The following KAZN variants were observed in gnomAD, a reference collection of about 807,000 sequenced individuals.
The protein encoded by KAZN is kazrin.
A neutral mutation model predicts 87.4 loss-of-function variants in KAZN; 40 were observed. That is an observed-to-expected ratio of 0.46 (90% CI 0.36 to 0.60). KAZN has a LOEUF of 0.60. KAZN is among the 20% of genes least tolerant of loss of function. The pLI, the probability that KAZN is intolerant of heterozygous loss-of-function variation, is 0.00. For synonymous variants in KAZN, 466 were observed against 458.3 expected (o/e 1.02, Z -0.22); for missense variants, 898 against 1,073.9 (o/e 0.84, Z 2.29).
At chr1:14,909,700 A>T (rs952620691) in intron 1 of KAZN, among the ~76,000 whole-genome samples, 1 of 152,132 alleles carries the variant, frequency 6.6e-6, no homozygotes, top group Non-Finnish European at 1.5e-5. Context: ...GGACAACTTG[A>T]CTTTCTCCCA....
At chr1:14,052,709 T>G (rs729799) in intron 1 of KAZN, among the ~76,000 whole-genome samples, 62,536 of 152,048 alleles carry the variant, frequency 0.41, 14,123 homozygotes, top group East Asian at 0.63. Context: ...AAAAGGAGAC[T>G]GAGAAGTTAA....
At chr1:14,552,141 AAG>A (rs1673568569) in intron 2 of KAZN, among the ~76,000 whole-genome samples, 1 of 152,106 alleles carries the variant, frequency 6.6e-6, no homozygotes, top group Non-Finnish European at 1.5e-5. Flanking sequence ...AAATAGTTTA[AAG>A]TATAGATGGC....
At position 14,679,523 on chromosome 1, in the gene KAZN, T is replaced by C. The variant is rs561022186; in HGVS notation, c.226+80300T>C. On this transcript the variant is annotated intron_variant, in intron 1 of 14. Coordinates refer to ENST00000376030, the MANE Select transcript of KAZN (RefSeq NM_201628.3). ...GTTGATTTGCATAGCAAAGGTGCGT[T>C]CACAGGCAGGTTGTTTGCTGTCTCT... 2.6e-5 allele frequency among the ~76,000 whole-genome samples: 4 copies of C among 152,190 alleles called. No homozygotes were observed. In the South Asian group the frequency reaches 6.2e-4, roughly 24 times the overall value.
At chr1:14,215,458 A>G (rs1646939508) in intron 2 of KAZN, among the ~76,000 whole-genome samples, 1 of 152,158 alleles carries the variant, frequency 6.6e-6, no homozygotes, top group East Asian at 1.9e-4. Context: ...ACATATTCCC[A>G]TTTATCCTAA....
rs1400917243 is a variant in KAZN at position 14,773,679 on chromosome 1, T to G, written c.226+174456T>G. Reference sequence around the variant, plus strand: ...CACTGCAACCACCATAGCCAGTGCCTCTATGCAGCCGGTTACCCATTGGCG... The same window carrying G: ...CACTGCAACCACCATAGCCAGTGCCGCTATGCAGCCGGTTACCCATTGGCG... On this transcript the variant is annotated intron_variant, in intron 1 of 14. Coordinates refer to ENST00000376030, the MANE Select transcript of KAZN (RefSeq NM_201628.3). The surrounding 1 kb of genome is among the most constrained non-coding windows in gnomAD (Gnocchi z 5.9). 6.6e-6 allele frequency among the ~76,000 whole-genome samples: 1 copy of G among 152,174 alleles called. No homozygotes were observed. Among genetic ancestry groups the G allele is most frequent in the East Asian group, 1.9e-4 (1 of 5,174 alleles).
intron 2 of KAZN, among the ~76,000 whole-genome samples, chr1:14,514,375 A>ATATATATTTATATAT (rs1491445643): frequency 6.9e-5 from 1 of 14,448 alleles, no homozygotes; most frequent in African/African-American, 2.6e-4. Context: ...TTATATATAT[A>ATATATATTTATATAT]ATATATATAT....
At chr1:14,658,782 A>G (rs1638965092) in intron 1 of KAZN, among the ~76,000 whole-genome samples, 1 of 152,030 alleles carries the variant, frequency 6.6e-6, no homozygotes. Context: ...ACTCCCCTAC[A>G]TGTGAAGCCT....
At chr1:14,368,469 C>A (rs1660196167) in intron 2 of KAZN, among the ~76,000 whole-genome samples, 1 of 152,226 alleles carries the variant, frequency 6.6e-6, no homozygotes, top group South Asian at 2.1e-4. Context: ...GCTTCTAGGT[C>A]TCTGACCATT....
At chr1:14,246,475 A>AT (rs1433601671) in intron 2 of KAZN, among the ~76,000 whole-genome samples, 2 of 149,898 alleles carry the variant, frequency 1.3e-5, no homozygotes, top group South Asian at 2.1e-4. Context: ...AATTGTAAGG[A>AT]TTTTTTCATA....
chr1:14,408,707 T>C (rs961556332), intron 2 of KAZN, among the ~76,000 whole-genome samples: 3 of 152,216 alleles, frequency 2.0e-5, no homozygotes, highest in Non-Finnish European at 4.4e-5. Flanking sequence ...CATATGATCA[T>C]GTTGGGAGTT....
chr1:14,415,056 C>CA (rs930473340), intron 2 of KAZN, among the ~76,000 whole-genome samples: 2 of 151,822 alleles, frequency 1.3e-5, no homozygotes, highest in African/African-American at 4.8e-5. Flanking sequence ...TACATACATA[C>CA]AAAAAAGGAA....
chr1:14,539,664 G>C (rs1243646577), intron 2 of KAZN, among the ~76,000 whole-genome samples: 1 of 151,746 alleles, frequency 6.6e-6, no homozygotes, highest in African/African-American at 2.4e-5. Context: ...CTTCCTTCAT[G>C]ATATTGCAGT....
chr1:14,669,185 C>T (rs1639762546), intron 1 of KAZN, among the ~76,000 whole-genome samples: 1 of 152,206 alleles, frequency 6.6e-6, no homozygotes, highest in South Asian at 2.1e-4. Flanking sequence ...TTGGGAAGCC[C>T]TGGCTCTCTT....
intron 1 of KAZN, among the ~76,000 whole-genome samples, chr1:13,962,048 T>A (rs935235452): frequency 3.9e-5 from 6 of 152,214 alleles, no homozygotes; most frequent in African/African-American, 1.4e-4. Context: ...TGCTTCTTGC[T>A]GGCTGGAGCG....
At chr1:15,085,405 G>C (rs1640204086) in intron 8 of KAZN, among the ~76,000 whole-genome samples, 1 of 152,128 alleles carries the variant, frequency 6.6e-6, no homozygotes, top group Non-Finnish European at 1.5e-5. Context: ...TCGGCTCACT[G>C]CAACCTCCAC....
chr1:14,453,888 TG>T (rs1667419638), intron 2 of KAZN, among the ~76,000 whole-genome samples: 1 of 151,838 alleles, frequency 6.6e-6, no homozygotes, highest in South Asian at 2.1e-4. Flanking sequence ...AGAATATAAA[TG>T]GGGGTAGGAG....
chr1:14,419,754 G>A (rs371649822), intron 2 of KAZN, among the ~76,000 whole-genome samples: 3 of 152,144 alleles, frequency 2.0e-5, no homozygotes, highest in African/African-American at 7.2e-5. Flanking sequence ...TCTTAAGGCG[G>A]TGCGTCTGGT....
chr1:14,655,150 A>C (rs1336204076), intron 1 of KAZN, among the ~76,000 whole-genome samples: 1 of 136,872 alleles, frequency 7.3e-6, no homozygotes, highest in Non-Finnish European at 1.6e-5. Flanking sequence ...CTTTGTGAAC[A>C]CTCATCTGGC....
chr1:14,888,593 C>G (rs994703448), intron 1 of KAZN, among the ~76,000 whole-genome samples: 4 of 152,014 alleles, frequency 2.6e-5, no homozygotes, highest in Non-Finnish European at 2.9e-5. Context: ...TAGCTTTTTG[C>G]GTGAATTAAT....
Sources: allele counts gnomAD v4.1 joint callset (sites outside exome capture counted in the v4.1 genomes callset), GRCh38; gene constraint gnomAD v4.1.1; non-coding constraint Gnocchi (gnomAD v3.1); transcripts MANE v1.5; gene names NCBI Gene and HGNC (gene_info 2026-07-23, HGNC 2026-07-21).